Variants in MFSD11 observed in about 807,000 individuals in gnomAD.
The protein encoded by MFSD11 is UNC93-like protein MFSD11.
MFSD11 carries 36 observed loss-of-function variants against 53.5 expected under a neutral mutation model. That is an observed-to-expected ratio of 0.67 (90% CI 0.52 to 0.89). The LOEUF (loss-of-function observed/expected upper bound fraction) is 0.89, where lower values mean the gene tolerates loss of function less well. Among genes scored for constraint, MFSD11 ranks in the 40% least tolerant of loss-of-function variants. The pLI, the probability that MFSD11 is intolerant of heterozygous loss-of-function variation, is 0.00. For missense variants in MFSD11, 530 were observed against 543.9 expected, an observed-to-expected ratio of 0.97 and a Z score of 0.25; for synonymous variants, 186 against 184.9, an observed-to-expected ratio of 1.01 and a Z score of -0.05.
At chr17:76,762,900 T>G (rs2080429571) in intron 8 of MFSD11, among the ~76,000 whole-genome samples, 1 of 151,754 alleles carries the variant, frequency 6.6e-6, no homozygotes, top group African/African-American at 2.4e-5. Context: ...CTCCCCACAT[T>G]CCTTTGTTTC....
Position 76,769,786 on chromosome 17 carries a change from T to A in MFSD11, c.789T>A (p.Cys263Ter), listed in dbSNP as rs1163399569. The change falls in exon 10 of 13, where the codon TGT becomes TGA. Residue 263 changes from cysteine (C) to a stop codon, truncating the protein, a stop_gained. Transcript: ENST00000685175. LOFTEE classifies it high-confidence loss of function. ...TCTTCTCTGGTGTATATGGAACCTGTATTGGTGCTACAAATAAATTTGGAG... is the reference window on the plus strand; with the variant it reads ...TCTTCTCTGGTGTATATGGAACCTGAATTGGTGCTACAAATAAATTTGGAG... Reference protein sequence around the residue: ...LTFFSGVYGTCIGATNKFGAE... With the variant: ...LTFFSGVYGT 6.2e-7 allele frequency: 1 copy of A among 1,611,958 alleles called. No homozygotes were observed. The highest frequency in any genetic ancestry group is 8.5e-7 in the Non-Finnish European group (1 of 1,178,878).
At chr17:76,737,392 A>AC, upstream of MFSD11, 1 of 487,624 alleles carries the variant, frequency 2.1e-6, no homozygotes. Flanking sequence ...CGCCCGCGCC[A>AC]CCCGGAAATG....
chr17:76,775,973 T>C (rs2081796648), intron 11 of MFSD11, among the ~76,000 whole-genome samples: 1 of 152,024 alleles, frequency 6.6e-6, no homozygotes, highest in Non-Finnish European at 1.5e-5. Flanking sequence ...TGTTTTATTT[T>C]TATTTATTTA....
At chr17:76,778,060 G>A (rs552910069) in intron 12 of MFSD11, 128 bp from the exon 13 acceptor site, 50 of 812,534 alleles carry the variant, frequency 6.2e-5, no homozygotes, top group Middle Eastern at 2.6e-4. Flanking sequence ...ATACCTTGAT[G>A]CAGAAAGAAT....
intron 8 of MFSD11, among the ~76,000 whole-genome samples, chr17:76,755,784 G>T (rs62086791): frequency 4.3e-5 from 1 of 23,284 alleles, no homozygotes; most frequent in Non-Finnish European, 1.0e-4. Context: ...GTGTGTGTGT[G>T]TGTATACATA....
At position 76,750,857 on chromosome 17, in the gene MFSD11, G is replaced by A. The variant is rs571625948; in HGVS notation, c.642-3190G>A. On this transcript the variant is annotated intron_variant, in intron 7 of 12. Transcript: ENST00000685175. ...CTCGCTCTCTCACCCAGGCTGGAGT[G>A]CAGTGACACGGTCTAGGCTCACTGA... Among the ~76,000 whole-genome samples the A allele has an allele frequency of 4.7e-5, 7 of 150,376 alleles. No homozygotes were observed. The South Asian group carries it at 1.3e-3, about 27-fold the overall frequency.
the MFSD11 span, among the ~76,000 whole-genome samples, chr17:76,803,509 C>G: frequency 6.6e-6 from 1 of 152,198 alleles, no homozygotes; most frequent in Non-Finnish European, 1.5e-5. Context: ...CCTCCTTAAA[C>G]TGCTCCTAAG....
At chr17:76,737,217 G>A (rs780208479), upstream of MFSD11, 7 of 1,471,548 alleles carry the variant, frequency 4.8e-6, no homozygotes, top group Non-Finnish European at 6.3e-6. Flanking sequence ...TCAGCTCTGG[G>A]CGGTGCGACG....
intron 7 of MFSD11, among the ~76,000 whole-genome samples, chr17:76,750,160 C>T (rs561314971): frequency 6.6e-6 from 1 of 151,942 alleles, no homozygotes; most frequent in East Asian, 1.9e-4. Flanking sequence ...GTATTTTAGT[C>T]GTCTGTAGAG....
chr17:76,790,142 C>T, the MFSD11 span, among the ~76,000 whole-genome samples: 23 of 142,620 alleles, frequency 1.6e-4, no homozygotes, highest in South Asian at 4.7e-3. Context: ...AGTGCAGTGG[C>T]GTGATCTTGG....
At chr17:76,779,801 C>T (rs1166937446), downstream of MFSD11, among the ~76,000 whole-genome samples, 1 of 152,144 alleles carries the variant, frequency 6.6e-6, no homozygotes. Context: ...GTCTTAAGAA[C>T]AGGGATCTAA....
In MFSD11 at chr17:76,776,407, A is replaced by G. The variant is rs1268751631; in HGVS notation, c.1051A>G (p.Lys351Glu). ...TAAATTGATTTTTATTTTCTTCAGC[A>G]AAGAAGTTGCCATTCTCTGCAGTTT... is the stretch of plus-strand genomic sequence containing the variant. ...TDSSAYIKSS[K>E]EVAILCSFLL... The change falls in exon 12 of 13, where the codon AAA becomes GAA. Residue 351 changes from lysine (K) to glutamate (E), a missense_variant and splice_region_variant. Physicochemically the swap from Lys to Glu is moderately conservative, Grantham distance 56. Transcript: ENST00000685175. The surrounding 1 kb of genome is among the most constrained non-coding windows in gnomAD (Gnocchi z 4.2). 7.4e-6 allele frequency: 12 copies of G among 1,613,240 alleles called. No individual in the cohort carries two copies. Among genetic ancestry groups the G allele is most frequent in the Non-Finnish European group, 9.3e-6 (11 of 1,179,744 alleles).
the MFSD11 span, among the ~76,000 whole-genome samples, chr17:76,788,806 G>A: frequency 6.7e-6 from 1 of 148,930 alleles, no homozygotes; most frequent in African/African-American, 2.5e-5. Flanking sequence ...CTGCTCTCCA[G>A]CCTGGGCGAC....
At chr17:76,801,393 GAAAAGA>G in the MFSD11 span, among the ~76,000 whole-genome samples, 1 of 130,208 alleles carries the variant, frequency 7.7e-6, no homozygotes, top group Admixed American at 7.8e-5. Flanking sequence ...AAAAGGAAAA[GAAAAGA>G]AAAAGGAAGA....
Position 76,776,338 on chromosome 17 carries a change from G to A in MFSD11, c.1050-68G>A. On this transcript the variant is annotated intron_variant, in intron 11 of 12. Coordinates refer to ENST00000685175, the MANE Select transcript of MFSD11 (RefSeq NM_001242532.5). The surrounding 1 kb of genome is among the most constrained non-coding windows in gnomAD (Gnocchi z 4.2). ...GCAGGTAGAATTCTTTTGTGGGTGG[G>A]TTGCTTGTATATTTTAAATGGCTCT... 1.3e-6 allele frequency: 2 copies of A among 1,524,934 alleles called. No individual in the cohort carries two copies. Among genetic ancestry groups the A allele is most frequent in the East Asian group, 2.3e-5 (1 of 43,354 alleles). 94.5% of individuals were successfully genotyped at this position (1,524,934 alleles called of 1,614,324 possible). A position where few individuals can be genotyped will look rare whatever the true frequency, so the allele number is the denominator to read the frequency against.
chr17:76,782,773 G>A (rs974597238), downstream of MFSD11, among the ~76,000 whole-genome samples: 1 of 151,694 alleles, frequency 6.6e-6, no homozygotes, highest in Non-Finnish European at 1.5e-5. Context: ...CCCACCACGC[G>A]GGGCTGCTTT....
chr17:76,736,709 A>C, upstream of MFSD11: 1 of 1,338,172 alleles, frequency 7.5e-7, no homozygotes, highest in Non-Finnish European at 9.6e-7. Context: ...CCGGGCCCGC[A>C]CCACGTGCTT....
rs372175793 is a variant in MFSD11, at chr17:76,753,929, T to C, written c.642-118T>C. 56 of 736,780 alleles carry C rather than the reference T, an allele frequency of 7.6e-5. No homozygotes were observed. The East Asian group carries it at 1.5e-3, about 20-fold the overall frequency. 45.6% of individuals were successfully genotyped at this position (736,780 alleles called of 1,614,324 possible). On this transcript the variant is annotated intron_variant, in intron 7 of 12. Coordinates refer to ENST00000685175, the MANE Select transcript of MFSD11 (RefSeq NM_001242532.5). ...CAAGGAGCATTCGAGTCACTGGGAA[T>C]GCATCTCAGACCTGGTATAGGACAG...
chr17:76,738,722 C>G (rs1445423493), intron 1 of MFSD11, among the ~76,000 whole-genome samples: 1 of 152,164 alleles, frequency 6.6e-6, no homozygotes, highest in Non-Finnish European at 1.5e-5. Context: ...TTCCTTAGTA[C>G]TTGGATGGTT....
Sources: allele counts gnomAD v4.1 joint callset (sites outside exome capture counted in the v4.1 genomes callset), GRCh38; gene constraint gnomAD v4.1.1; non-coding constraint Gnocchi (gnomAD v3.1); transcripts MANE v1.5; gene names NCBI Gene and HGNC (gene_info 2026-07-23, HGNC 2026-07-21).